Variants in CADM2 observed in about 807,000 individuals in gnomAD.
CADM2 encodes cell adhesion molecule 2, also known as immunoglobulin superfamily member 4D.
A neutral mutation model predicts 49.8 loss-of-function variants in CADM2; 12 were observed. That is an observed-to-expected ratio of 0.24 (90% CI 0.15 to 0.39). The LOEUF is 0.39. Among genes scored for constraint, CADM2 ranks in the 10% least tolerant of loss-of-function variants. CADM2 has a pLI of 1.00. For missense variants in CADM2, 378 were observed against 492.3 expected (o/e 0.77, Z 2.20); for synonymous variants, 214 against 175.4 (o/e 1.22, Z -1.74).
In CADM2 at chr3:85,110,665, T is replaced by G. The variant is rs1200533194; in HGVS notation, c.61+150997T>G. Among the ~76,000 whole-genome samples the G allele has an allele frequency of 2.6e-5, 4 of 151,896 alleles. No individual in the cohort carries two copies. In the East Asian group the frequency reaches 7.7e-4, roughly 29 times the overall value. ...AAGGAAATTCAAAGACTTTTCTATT[T>G]GTTAAGCTGGCAAATACACGCATAT... On this transcript the variant is annotated intron_variant, in intron 1 of 9. Coordinates refer to ENST00000383699, the MANE Select transcript of CADM2 (RefSeq NM_001167675.2).
At chr3:85,902,322 A>G (rs973441755) in intron 5 of CADM2, among the ~76,000 whole-genome samples, 1 of 151,952 alleles carries the variant, frequency 6.6e-6, no homozygotes, top group Non-Finnish European at 1.5e-5. Flanking sequence ...CTTTGATATT[A>G]GTATAGTCAC....
chr3:85,606,506 T>C (rs1428123300), intron 1 of CADM2, among the ~76,000 whole-genome samples: 1 of 152,148 alleles, frequency 6.6e-6, no homozygotes, highest in Non-Finnish European at 1.5e-5. Flanking sequence ...GTATATTTAC[T>C]AAATTGTTTT....
intron 1 of CADM2, among the ~76,000 whole-genome samples, chr3:85,620,215 T>G (rs984382195): frequency 3.3e-5 from 5 of 152,098 alleles, no homozygotes; most frequent in African/African-American, 1.2e-4. Flanking sequence ...ATCTTTGTCA[T>G]TTACTGTTTA....
At chr3:85,095,468 C>G (rs188819157) in intron 1 of CADM2, among the ~76,000 whole-genome samples, 1 of 152,216 alleles carries the variant, frequency 6.6e-6, no homozygotes, top group African/African-American at 2.4e-5. Context: ...ATCTAGACCT[C>G]TGGCTCAATT....
At chr3:85,531,959 C>T (rs151187033) in intron 1 of CADM2, among the ~76,000 whole-genome samples, 2 of 152,084 alleles carry the variant, frequency 1.3e-5, no homozygotes, top group Non-Finnish European at 1.5e-5. Context: ...GGGCAGTTCA[C>T]GAGGTCAGGA....
chr3:85,301,017 A>G (rs1019480006), intron 1 of CADM2, among the ~76,000 whole-genome samples: 2 of 152,136 alleles, frequency 1.3e-5, no homozygotes, highest in African/African-American at 4.8e-5. Context: ...TACCACAGGA[A>G]GAATCACAGG....
rs1312326788 is a variant in CADM2, at chr3:85,886,631, A to G, written c.529+304A>G. On this transcript the variant is annotated intron_variant, in intron 5 of 9. Transcript: ENST00000383699. ...GAAACATATAGATTCATACTTCACA[A>G]TAGTACATATTAGATACTATTATTT... is the stretch of plus-strand genomic sequence containing the variant. Among the ~76,000 whole-genome samples the G allele has an allele frequency of 2.0e-5, 3 of 152,150 alleles. No individual in the cohort carries two copies. The East Asian group carries it at 5.8e-4, about 29-fold the overall frequency.
At chr3:85,813,429 T>C (rs2073010559) in intron 3 of CADM2, among the ~76,000 whole-genome samples, 1 of 152,202 alleles carries the variant, frequency 6.6e-6, no homozygotes, top group Non-Finnish European at 1.5e-5. Flanking sequence ...TTTAAGTTTT[T>C]TTAGATTCTG....
At chr3:85,414,788 A>G (rs1449005577) in intron 1 of CADM2, among the ~76,000 whole-genome samples, 2 of 152,116 alleles carry the variant, frequency 1.3e-5, no homozygotes, top group Admixed American at 6.6e-5. Flanking sequence ...CATATCTTGG[A>G]AATTTCTGAA....
chr3:85,436,616 CT>C, intron 1 of CADM2, among the ~76,000 whole-genome samples: 1 of 152,208 alleles, frequency 6.6e-6, no homozygotes, highest in Non-Finnish European at 1.5e-5. Flanking sequence ...AATAAATTTA[CT>C]TTTATGTTAA....
intron 1 of CADM2, among the ~76,000 whole-genome samples, chr3:85,163,524 G>A (rs932203825): frequency 6.6e-6 from 1 of 151,830 alleles, no homozygotes; most frequent in African/African-American, 2.4e-5. Flanking sequence ...CATTTATTTG[G>A]AAAACAAAAT....
chr3:85,976,015 A>T (rs1005643996), intron 8 of CADM2, among the ~76,000 whole-genome samples: 2 of 151,618 alleles, frequency 1.3e-5, no homozygotes, highest in Non-Finnish European at 3.0e-5. Flanking sequence ...ATTACTTAAA[A>T]TATTAGTATA....
chr3:85,301,643 G>A (rs1176516645), intron 1 of CADM2, among the ~76,000 whole-genome samples: 4 of 151,976 alleles, frequency 2.6e-5, no homozygotes, highest in African/African-American at 9.7e-5. Flanking sequence ...TAGTCTGCTT[G>A]CCTTTTATAA....
intron 1 of CADM2, among the ~76,000 whole-genome samples, chr3:85,726,249 A>T (rs983358232): frequency 6.6e-6 from 1 of 152,052 alleles, no homozygotes; most frequent in African/African-American, 2.4e-5. Flanking sequence ...ACTTAAAGTT[A>T]TACATTCCAT....
intron 1 of CADM2, among the ~76,000 whole-genome samples, chr3:85,128,652 G>A (rs559395767): frequency 6.6e-6 from 1 of 152,226 alleles, no homozygotes; most frequent in South Asian, 2.1e-4. Context: ...CTGTACCATT[G>A]AACTCATCTT....
At chr3:85,947,327 T>A (rs1477401615) in intron 7 of CADM2, among the ~76,000 whole-genome samples, 1 of 151,654 alleles carries the variant, frequency 6.6e-6, no homozygotes, top group Admixed American at 6.6e-5. Flanking sequence ...ATATAGATAT[T>A]CTTATACCAG....
chr3:85,403,575 T>G (rs528201813), intron 1 of CADM2, among the ~76,000 whole-genome samples: 8 of 152,130 alleles, frequency 5.3e-5, no homozygotes, highest in African/African-American at 1.9e-4. Flanking sequence ...GAGATCTTGC[T>G]CTTAATAAGG....
chr3:85,813,398 T>G (rs1200243807), intron 3 of CADM2, among the ~76,000 whole-genome samples: 1 of 152,196 alleles, frequency 6.6e-6, no homozygotes, highest in Non-Finnish European at 1.5e-5. Context: ...TGGGGTTGTT[T>G]GTTTTTTTCT....
chr3:85,234,423 A>C (rs554149573), intron 1 of CADM2, among the ~76,000 whole-genome samples: 1 of 152,256 alleles, frequency 6.6e-6, no homozygotes, highest in African/African-American at 2.4e-5. Flanking sequence ...CAATTTCCTC[A>C]GCTGTAAAAA....
Sources: allele counts gnomAD v4.1 joint callset (sites outside exome capture counted in the v4.1 genomes callset), GRCh38; gene constraint gnomAD v4.1.1; transcripts MANE v1.5; gene names NCBI Gene and HGNC (gene_info 2026-07-23, HGNC 2026-07-21).